Variants in PNPLA4 observed in about 807,000 individuals in gnomAD.
The protein encoded by PNPLA4 is patatin like domain 4, phospholipase and triacylglycerol lipase, also known as patatin-like phospholipase domain-containing protein 4.
A neutral mutation model predicts 18.3 loss-of-function variants in PNPLA4; 15 were observed. The observed-to-expected ratio is 0.82, with a 90% CI of 0.55 to 1.26. The LOEUF (loss-of-function observed/expected upper bound fraction) is 1.26, where lower values mean the gene tolerates loss of function less well. Among genes scored for constraint, PNPLA4 ranks in the 50% most tolerant of loss-of-function variants. The pLI, the probability that PNPLA4 is intolerant of heterozygous loss-of-function variation, is 0.00. For missense variants in PNPLA4, 229 were observed against 196.8 expected (o/e 1.16, Z -0.98); for synonymous variants, 88 against 85.6 (o/e 1.03, Z -0.16).
intron 5 of PNPLA4, among the ~76,000 whole-genome samples, chrX:7,903,567 G>A (rs1923615600): frequency 9.0e-6 from 1 of 111,490 alleles, no homozygotes. Flanking sequence ...CCAAAGTGCT[G>A]GGATTACAGG....
intron 4 of PNPLA4, among the ~76,000 whole-genome samples, chrX:7,914,087 AT>A (rs1420132965): frequency 8.9e-6 from 1 of 112,182 alleles, no homozygotes; most frequent in Non-Finnish European, 1.9e-5. Flanking sequence ...ACTTCTATTT[AT>A]TTTTTATGTG....
rs781184663 is a variant in PNPLA4, at chrX:7,901,946, G to A, written c.630+43C>T. 2.6e-6 allele frequency: 3 copies of A among 1,151,836 alleles called. No individual in the cohort carries two copies. The African/African-American group carries it at 5.4e-5, about 21-fold the overall frequency. 94.9% of individuals were successfully genotyped at this position (1,151,836 alleles called of 1,213,427 possible). A position where few individuals can be genotyped will look rare whatever the true frequency, so the allele number is the denominator to read the frequency against. On this transcript the variant is annotated intron_variant, in intron 6 of 6. Coordinates refer to ENST00000381042, the MANE Select transcript of PNPLA4 (RefSeq NM_004650.3). ...ACGTTGAATTCTGTGGGAATTTTTA[G>A]TAGATCAGAACTCTTCAAATATCAC...
intron 4 of PNPLA4, among the ~76,000 whole-genome samples, chrX:7,913,471 C>T (rs931836430): frequency 4.5e-5 from 5 of 112,180 alleles, no homozygotes; most frequent in African/African-American, 1.3e-4. Flanking sequence ...AGGCTCCTGA[C>T]GAGTGCCCAC....
chrX:7,909,671 T>A (rs2146756466), intron 5 of PNPLA4, among the ~76,000 whole-genome samples: 1 of 111,505 alleles, frequency 9.0e-6, no homozygotes, highest in African/African-American at 3.3e-5. Flanking sequence ...AGCTCACTAT[T>A]TGGCCATCTT....
intron 2 of PNPLA4, among the ~76,000 whole-genome samples, chrX:7,923,845 C>T (rs559649545): frequency 4.5e-5 from 5 of 110,626 alleles, no homozygotes; most frequent in Admixed American, 1.9e-4. Context: ...GCCCCTGCCC[C>T]GGGGGTAATG....
At chrX:7,913,293 G>A (rs1285109411) in intron 4 of PNPLA4, among the ~76,000 whole-genome samples, 3 of 111,991 alleles carry the variant, frequency 2.7e-5, no homozygotes, top group African/African-American at 9.8e-5. Flanking sequence ...GGCAGAGTTA[G>A]TACTCAACAA....
intron 4 of PNPLA4, among the ~76,000 whole-genome samples, chrX:7,914,727 C>A (rs1923983844): frequency 9.1e-6 from 1 of 110,311 alleles, no homozygotes. Context: ...AAATCACTAA[C>A]CTTAGAATTA....
intron 2 of PNPLA4, among the ~76,000 whole-genome samples, chrX:7,925,664 G>T (rs1419611142): frequency 2.7e-5 from 3 of 111,881 alleles, no homozygotes; most frequent in Non-Finnish European, 5.6e-5. Flanking sequence ...TCCTTTGCTT[G>T]AAAGGAACAG....
chrX:7,912,041 T>A lies in PNPLA4; in HGVS notation c.464A>T (p.Glu155Val). The change falls in exon 5 of 7, where the codon GAA (glutamate) becomes GTA (valine). Residue 155 changes from glutamate to valine, a missense_variant. Coordinates refer to ENST00000381042, the MANE Select transcript of PNPLA4 (RefSeq NM_004650.3). Reference sequence around the variant, plus strand: ...TAACAAGCTTACCTGCCCTTTGTATTCCACTAGCTTCAGTCCTGCATAAAT... The same window carrying A: ...TAACAAGCTTACCTGCCCTTTGTATACCACTAGCTTCAGTCCTGCATAAAT... ...VPIYAGLKLV[E>V]YKGQKWVDGG... The A allele has an allele frequency of 8.3e-7, 1 of 1,201,716 alleles. No homozygotes were observed. Among genetic ancestry groups the A allele is most frequent in the Non-Finnish European group, 1.1e-6 (1 of 887,191 alleles).
Position 7,899,298 on chromosome X carries a change from T to C in PNPLA4, c.*1388A>G, listed in dbSNP as rs1224200321. 1 of 111,225 alleles carries C rather than the reference T, an allele frequency of 9.0e-6. No homozygotes were observed. Among genetic ancestry groups the C allele is most frequent in the Admixed American group, 9.6e-5 (1 of 10,417 alleles). 9.2% of individuals were successfully genotyped at this position (111,225 alleles called of 1,213,427 possible). ...TGACAATTGAAGACATGGAATTAAATTGGTTTGTCTCTAACTGCCTCTTAG... is the reference window on the plus strand; with the variant it reads ...TGACAATTGAAGACATGGAATTAAACTGGTTTGTCTCTAACTGCCTCTTAG... On this transcript the variant is annotated 3_prime_UTR_variant, in exon 7 of 7. Transcript: ENST00000381042.
intron 5 of PNPLA4, among the ~76,000 whole-genome samples, chrX:7,903,761 G>A (rs1382961061): frequency 1.8e-5 from 2 of 111,980 alleles, no homozygotes; most frequent in Non-Finnish European, 3.8e-5. Flanking sequence ...TGGTGGAGGA[G>A]AGAGTATAAG....
At chrX:7,920,863 T>C (rs1924192617) in intron 4 of PNPLA4, among the ~76,000 whole-genome samples, 1 of 112,634 alleles carries the variant, frequency 8.9e-6, no homozygotes, top group African/African-American at 3.2e-5. Context: ...GAACATTAGA[T>C]TGAAAAGTTA....
Position 7,926,102 on chromosome X carries a change from T to G in PNPLA4, c.18A>C (p.Leu6=), listed in dbSNP as rs750196496. ...CCAGAAATCCACACGCTGCAAATGA[T>G]AGGTTGATGTGCTTCATTCTAGCTG... MKHIN[L]SFAACGFLGI... Residue 6 remains leucine, a synonymous_variant, in exon 2 of 7, where the codon CTA becomes CTC. Transcript: ENST00000381042. The G allele has an allele frequency of 1.7e-6, 2 of 1,208,899 alleles. No individual in the cohort carries two copies. The highest frequency in any genetic ancestry group is 4.4e-5 in the Admixed American group (2 of 45,741).
rs763359628 is a variant in PNPLA4 at position 7,900,695 on chromosome X, C to A, written c.753G>T (p.Trp251Cys). 1 of 1,148,280 alleles carries A rather than the reference C, an allele frequency of 8.7e-7. No homozygotes were observed. Among genetic ancestry groups the A allele is most frequent in the South Asian group, 2.0e-5 (1 of 50,031 alleles). 94.6% of individuals were successfully genotyped at this position (1,148,280 alleles called of 1,213,427 possible). The change falls in exon 7 of 7, where the codon TGG becomes TGT. Residue 251 changes from tryptophan (W) to cysteine (C), a missense_variant. Coordinates refer to ENST00000381042, the MANE Select transcript of PNPLA4 (RefSeq NM_004650.3). Reference protein sequence around the residue: ...DTVKFLLKENWFE With the variant: ...DTVKFLLKENCFE ...TAAACTTTTATGCATTTTATTCAAA[C>A]CAATTTTCTTTAAGTAAAAACTTAA...
chrX:7,916,410 C>T (rs1294793790), intron 4 of PNPLA4, among the ~76,000 whole-genome samples: 2 of 109,328 alleles, frequency 1.8e-5, no homozygotes, highest in Admixed American at 9.7e-5. Context: ...TAGAGCGGCA[C>T]ACCAGGAGAG....
intron 5 of PNPLA4, among the ~76,000 whole-genome samples, chrX:7,903,546 G>A (rs956594384): frequency 8.1e-5 from 9 of 111,071 alleles, no homozygotes; most frequent in South Asian, 7.5e-4. Context: ...TGATCTGCCC[G>A]CCTCGGCCTC....
In PNPLA4 at chrX:7,922,033, C is replaced by G; in HGVS notation, c.246G>C (p.Thr82=). ...GTCGGGCCATGAAGTCATAACCGGG[C>G]GTTACTGCCCCGAAAGACTGCCTTC... ...EIRRQSFGAV[T]PGYDFMARLR... Residue 82 remains threonine (T), a synonymous_variant, in exon 3 of 7, where the codon ACG becomes ACC. Coordinates refer to ENST00000381042, the MANE Select transcript of PNPLA4 (RefSeq NM_004650.3). 1 of 1,208,222 alleles carries G rather than the reference C, an allele frequency of 8.3e-7. No individual in the cohort carries two copies. Among genetic ancestry groups the G allele is most frequent in the Non-Finnish European group, 1.1e-6 (1 of 892,738 alleles).
intron 5 of PNPLA4, among the ~76,000 whole-genome samples, chrX:7,905,073 T>A (rs1441277034): frequency 8.9e-6 from 1 of 112,474 alleles, no homozygotes; most frequent in African/African-American, 3.2e-5. Flanking sequence ...CACATTCAAG[T>A]CAATGCCTGA....
intron 1 of PNPLA4, among the ~76,000 whole-genome samples, chrX:7,926,505 C>T (rs1924415838): frequency 9.0e-6 from 1 of 111,729 alleles, no homozygotes; most frequent in African/African-American, 3.3e-5. Flanking sequence ...GCGGCACTAC[C>T]ATTATGAAAC....
Sources: gnomAD v4.1 joint callset for allele counts (sites outside exome capture counted in the v4.1 genomes callset) on GRCh38, gnomAD v4.1.1 for gene constraint, MANE v1.5 for transcripts, NCBI Gene and HGNC (gene_info 2026-07-23, HGNC 2026-07-21) for gene names.